RND3: variants seen among roughly 807,000 people sequenced by gnomAD.
RND3 encodes the protein rho-related GTP-binding protein RhoE.
In RND3, 8 loss-of-function variants were observed where a neutral mutation model predicts 26.5. That is an observed-to-expected ratio of 0.30 (90% CI 0.18 to 0.54). RND3 has a LOEUF of 0.54. RND3 is among the 20% of genes least tolerant of loss of function. The probability of loss-of-function intolerance (pLI) is 0.94; values close to 1 mark genes in which losing one functional copy is unlikely to be tolerated. For synonymous variants in RND3, 113 were observed against 113.0 expected, an observed-to-expected ratio of 1.00 and a Z score of 0.00; for missense variants, 207 against 302.8, an observed-to-expected ratio of 0.68 and a Z score of 2.35.
Position 150,486,639 on chromosome 2 carries a change from A to G in RND3, c.238+55T>C. ...CGCGGTTTCCCGAGACCCGCCGCGC[A>G]TCCCCCAGCGACTGGAAACCCGCCC... is the stretch of plus-strand genomic sequence containing the variant. On this transcript the variant is annotated intron_variant, in intron 3 of 5. Transcript: ENST00000263895. This position sits in a 1 kb window ranked among gnomAD's most constrained non-coding sequence, Gnocchi z 4.5. 8.0e-7 allele frequency: 1 copy of G among 1,249,186 alleles called. No individual in the cohort carries two copies. Among genetic ancestry groups the G allele is most frequent in the South Asian group, 1.2e-5 (1 of 83,836 alleles). 77.4% of individuals were successfully genotyped at this position (1,249,186 alleles called of 1,614,324 possible). A position where few individuals can be genotyped will look rare whatever the true frequency, so the allele number is the denominator to read the frequency against.
chr2:150,484,294 A>T (rs950127984), intron 3 of RND3, among the ~76,000 whole-genome samples: 5 of 152,246 alleles, frequency 3.3e-5, no homozygotes, highest in Non-Finnish European at 7.3e-5. Context: ...TTACCTGCAC[A>T]TACGAAGGAC....
In RND3 at chr2:150,486,385, C is replaced by A. The variant is rs1342274870; in HGVS notation, c.238+309G>T. 6.6e-6 allele frequency among the ~76,000 whole-genome samples: 1 copy of A among 152,110 alleles called. No homozygotes were observed. The highest frequency in any genetic ancestry group is 1.5e-5 in the Non-Finnish European group (1 of 68,020). ...CCATGCAACACCCCACAGTATCGGG[C>A]CACCTCGGCCGACCCAAGGCGACTT... On this transcript the variant is annotated intron_variant, in intron 3 of 5. Coordinates refer to ENST00000263895, the MANE Select transcript of RND3 (RefSeq NM_005168.5). The surrounding 1 kb of genome is among the most constrained non-coding windows in gnomAD (Gnocchi z 4.5).
At chr2:150,487,150 T>A (rs1686387256) in intron 2 of RND3, 118 bp downstream of exon 2, 1 of 623,678 alleles carries the variant, frequency 1.6e-6, no homozygotes. Flanking sequence ...CGAGAAAGAC[T>A]TTTTTTTTTC....
intron 3 of RND3, among the ~76,000 whole-genome samples, chr2:150,482,367 T>C (rs1028239421): frequency 6.6e-5 from 10 of 152,178 alleles, no homozygotes; most frequent in Non-Finnish European, 1.2e-4. Context: ...AAATTACTTC[T>C]ATGCTTGGCA....
chr2:150,485,875 C>G (rs1686350224), intron 3 of RND3, among the ~76,000 whole-genome samples: 1 of 152,142 alleles, frequency 6.6e-6, no homozygotes, highest in African/African-American at 2.4e-5. Context: ...ACCTCAGACC[C>G]ATGAATATAA....
chr2:150,481,652 C>G (rs1291677914), intron 3 of RND3, among the ~76,000 whole-genome samples: 1 of 151,956 alleles, frequency 6.6e-6, no homozygotes, highest in Non-Finnish European at 1.5e-5. Flanking sequence ...ACAGAAAGCA[C>G]TAAACCATGT....
intron 3 of RND3, among the ~76,000 whole-genome samples, chr2:150,476,031 T>G (rs1034976880): frequency 2.0e-5 from 3 of 152,200 alleles, no homozygotes; most frequent in Non-Finnish European, 4.4e-5. Flanking sequence ...TGCCGCTTGT[T>G]TAAGAAATCA....
chr2:150,483,281 C>T (rs1686307396), intron 3 of RND3, among the ~76,000 whole-genome samples: 1 of 152,070 alleles, frequency 6.6e-6, no homozygotes, highest in African/African-American at 2.4e-5. Context: ...CTGTTTCTGT[C>T]TTCTAAATGG....
Position 150,486,546 on chromosome 2 carries a change from A to G in RND3, c.238+148T>C. 3 of 719,248 alleles carry G rather than the reference A, an allele frequency of 4.2e-6. No homozygotes were observed. The Admixed American group carries it at 5.5e-5, about 13-fold the overall frequency. The allele number at this position is 719,248 out of a possible 1,614,324, so 44.6% of individuals were successfully genotyped here. A position where few individuals can be genotyped will look rare whatever the true frequency, so the allele number is the denominator to read the frequency against. The stretch of plus-strand genomic sequence containing the variant: ...CTGTCGTCTGCCGCCCCCACCCAGA[A>G]GGGATACAATTTTCGCCCAACAGGG... On this transcript the variant is annotated intron_variant, in intron 3 of 5. Transcript: ENST00000263895. This position sits in a 1 kb window ranked among gnomAD's most constrained non-coding sequence, Gnocchi z 4.5.
At chr2:150,487,162 T>C (rs1302309035) in intron 2 of RND3, 106 bp downstream of exon 2, 18,916 of 522,876 alleles carry the variant, frequency 0.036, 2 homozygotes, top group Non-Finnish European at 0.04. Context: ...TTTTTTTTCT[T>C]TTTTTTTTTT....
At chr2:150,473,044 C>G (rs1324128758) in intron 4 of RND3, among the ~76,000 whole-genome samples, 1 of 147,142 alleles carries the variant, frequency 6.8e-6, no homozygotes, top group Non-Finnish European at 1.5e-5. Context: ...TTTCCTCCCT[C>G]CCTTCCTCTC....
intron 3 of RND3, among the ~76,000 whole-genome samples, chr2:150,478,618 T>G (rs1167374017): frequency 1.3e-5 from 2 of 150,316 alleles, no homozygotes; most frequent in Admixed American, 1.3e-4. Context: ...TAGGTGTTTT[T>G]AAAAGATGCA....
intron 3 of RND3, among the ~76,000 whole-genome samples, chr2:150,483,574 A>G (rs943746805): frequency 6.6e-6 from 1 of 152,242 alleles, no homozygotes; most frequent in African/African-American, 2.4e-5. Flanking sequence ...TACAATCTGA[A>G]CTAAATAAAT....
At position 150,471,723 on chromosome 2, in the gene RND3, T is replaced by C; in HGVS notation, c.387A>G (p.Lys129=). ...CAGACTTGCAGCCGACCAAGAGCAT[T>C]TTGGTATTTGGACAAAATTCCTGGA... ...GEIQEFCPNT[K]MLLVGCKSDL... Residue 129 remains lysine, a synonymous_variant, in exon 5 of 6, where the codon AAA becomes AAG. Coordinates refer to ENST00000263895, the MANE Select transcript of RND3 (RefSeq NM_005168.5). 6.2e-7 allele frequency: 1 copy of C among 1,612,974 alleles called. No individual in the cohort carries two copies. The highest frequency in any genetic ancestry group is 8.5e-7 in the Non-Finnish European group (1 of 1,179,238).
At chr2:150,471,961 A>G (rs1224285238) in intron 4 of RND3, 200 bp from the exon 5 acceptor site, 1 of 548,280 alleles carries the variant, frequency 1.8e-6, no homozygotes, top group African/African-American at 1.9e-5. Context: ...AGCATTAGAG[A>G]ATAATTATGT....
rs1275055285 is a variant in RND3 at position 150,468,854 on chromosome 2, T to C, written c.*1133A>G. The C allele has an allele frequency of 1.3e-5, 2 of 152,686 alleles. No individual in the cohort carries two copies. The highest frequency in any genetic ancestry group is 2.9e-5 in the Non-Finnish European group (2 of 68,048). 9.5% of individuals were successfully genotyped at this position (152,686 alleles called of 1,614,324 possible). On this transcript the variant is annotated 3_prime_UTR_variant, in exon 6 of 6. Transcript: ENST00000263895. ...TTATGTCAGGACTGAAAGTTTATCA[T>C]ATAATCTTCCACTAGGGATTCTCTA...
At chr2:150,487,069 G>C in intron 2 of RND3, 199 bp downstream of exon 2, 2 of 601,354 alleles carry the variant, frequency 3.3e-6, no homozygotes, top group South Asian at 4.4e-5. Context: ...GTGCAGGCGC[G>C]TCCCAACCCT....
chr2:150,482,360 T>C (rs1686287736), intron 3 of RND3, among the ~76,000 whole-genome samples: 1 of 152,196 alleles, frequency 6.6e-6, no homozygotes, highest in Admixed American at 6.5e-5. Context: ...ATGCTACAAA[T>C]TACTTCTATG....
chr2:150,487,474 A>AAATATAT lies in RND3; in HGVS notation c.-38-20_-38-19insATATATT. ...ATTTTCTCTTAAGAAGAAAAAAAAA[A>AAATATAT]ATATATATATATATATATATTTCTC... On this transcript the variant is annotated intron_variant, in intron 1 of 5. Transcript: ENST00000263895. 3.0e-3 allele frequency: 607 copies of AAATATAT among 200,762 alleles called. 5 individuals carry two copies. Among genetic ancestry groups the AAATATAT allele is most frequent in the African/African-American group, 0.014 (524 of 36,632 alleles). The allele number at this position is 200,762 out of a possible 1,614,324, so 12.4% of individuals were successfully genotyped here. A position where few individuals can be genotyped will look rare whatever the true frequency, so the allele number is the denominator to read the frequency against.
Sources: allele counts gnomAD v4.1 joint callset (sites outside exome capture counted in the v4.1 genomes callset), GRCh38; gene constraint gnomAD v4.1.1; non-coding constraint Gnocchi (gnomAD v3.1); transcripts MANE v1.5; gene names NCBI Gene and HGNC (gene_info 2026-07-23, HGNC 2026-07-21).